ELOVL5: variants seen among roughly 807,000 people sequenced by gnomAD.
ELOVL5 encodes ELOVL fatty acid elongase 5.
Under a neutral mutation model 38.6 loss-of-function variants are expected in ELOVL5, and 8 were observed. The ratio of observed to expected loss-of-function variants is 0.21; its 90% CI spans 0.12 to 0.37. The LOEUF is 0.37. Ranked by LOEUF, ELOVL5 falls within the 10% of genes least tolerant of loss-of-function variation. The probability of loss-of-function intolerance (pLI) is 1.00; values close to 1 mark genes in which losing one functional copy is unlikely to be tolerated. For synonymous variants in ELOVL5, 127 were observed against 133.7 expected, an observed-to-expected ratio of 0.95 and a Z score of 0.34; for missense variants, 280 against 367.8, an observed-to-expected ratio of 0.76 and a Z score of 1.95.
chr6:53,338,151 G>C (rs1469726705), intron 1 of ELOVL5, among the ~76,000 whole-genome samples: 1 of 152,216 alleles, frequency 6.6e-6, no homozygotes, highest in African/African-American at 2.4e-5. Flanking sequence ...ATCATGCAAT[G>C]AGATTTGGTC....
At chr6:53,303,588 T>G (rs915945948) in intron 1 of ELOVL5, among the ~76,000 whole-genome samples, 6 of 152,204 alleles carry the variant, frequency 3.9e-5, no homozygotes, top group African/African-American at 1.2e-4. Context: ...ACTGCAAAAC[T>G]GGGGCACTGA....
intron 1 of ELOVL5, among the ~76,000 whole-genome samples, chr6:53,342,330 T>C (rs1769367492): frequency 6.6e-6 from 1 of 152,212 alleles, no homozygotes; most frequent in Non-Finnish European, 1.5e-5. Context: ...ATGAGAACTA[T>C]TCTTCAGGGA....
In ELOVL5 at chr6:53,299,139, A is replaced by C. The variant is rs575897874; in HGVS notation, c.-8-3432T>G. ...AGGATCCAGATATAGTAAAGCAAAA[A>C]CAAAATCCAGTTTGCAAATGAGCAG... On this transcript the variant is annotated intron_variant, in intron 1 of 7. Transcript: ENST00000304434. Among the ~76,000 whole-genome samples, 6 of 152,362 alleles carry C rather than the reference A, an allele frequency of 3.9e-5. 1 individual carries two copies. The South Asian group carries it at 1.2e-3, about 32-fold the overall frequency.
chr6:53,299,001 C>T (rs567070778), intron 1 of ELOVL5, among the ~76,000 whole-genome samples: 20 of 151,428 alleles, frequency 1.3e-4, no homozygotes, highest in African/African-American at 4.9e-4. Context: ...TAATTAAATA[C>T]ACAAATATCT....
intron 1 of ELOVL5, among the ~76,000 whole-genome samples, chr6:53,305,198 C>T (rs1237910125): frequency 1.5e-5 from 2 of 131,458 alleles, no homozygotes; most frequent in African/African-American, 5.9e-5. Flanking sequence ...TGGCTGGGCG[C>T]GGGGCTGACC....
chr6:53,318,711 G>C (rs209493), intron 1 of ELOVL5, among the ~76,000 whole-genome samples: 9,682 of 152,126 alleles, frequency 0.064, 506 homozygotes, highest in Non-Finnish European at 0.085. Context: ...CTGCACTCCA[G>C]CCTGGGCAAA....
intron 4 of ELOVL5, among the ~76,000 whole-genome samples, chr6:53,275,926 C>T (rs1281483075): frequency 6.6e-6 from 1 of 152,226 alleles, no homozygotes; most frequent in Non-Finnish European, 1.5e-5. Flanking sequence ...ATATAACATA[C>T]TGACTGCATG....
At position 53,281,822 on chromosome 6, in the gene ELOVL5, G is replaced by GTT. The variant is rs56133416; in HGVS notation, c.247-5568_247-5567dup. ...TTTCACACCCATGACCTCCACAGGT[G>GTT]TTTTTTTTTTTTCCTTCTCCTTGTG... On this transcript the variant is annotated intron_variant, in intron 3 of 7. Coordinates refer to ENST00000304434, the MANE Select transcript of ELOVL5 (RefSeq NM_021814.5). Among the ~76,000 whole-genome samples the GTT allele has an allele frequency of 1.3e-3, 185 of 147,282 alleles. 1 individual carries two copies. Among genetic ancestry groups the GTT allele is most frequent in the African/African-American group, 2.9e-3 (116 of 40,162 alleles).
intron 6 of ELOVL5, among the ~76,000 whole-genome samples, chr6:53,272,163 G>T (rs1765952705): frequency 6.6e-6 from 1 of 152,058 alleles, no homozygotes; most frequent in African/African-American, 2.4e-5. Context: ...TGACTTGAAG[G>T]GATCTGAATC....
intron 1 of ELOVL5, among the ~76,000 whole-genome samples, chr6:53,348,025 C>CCCA (rs1769640934): frequency 1.3e-5 from 2 of 151,634 alleles, no homozygotes; most frequent in Non-Finnish European, 2.9e-5. Flanking sequence ...CACAACCGCC[C>CCCA]CCCCGCCGCG....
At chr6:53,304,489 C>T (rs1294477499) in intron 1 of ELOVL5, among the ~76,000 whole-genome samples, 1 of 151,846 alleles carries the variant, frequency 6.6e-6, no homozygotes, top group Non-Finnish European at 1.5e-5. Context: ...GGGTGTTTCT[C>T]GCAGAGGGGG....
At chr6:53,332,327 G>C (rs1010321895) in intron 1 of ELOVL5, among the ~76,000 whole-genome samples, 7 of 152,124 alleles carry the variant, frequency 4.6e-5, no homozygotes, top group Non-Finnish European at 1.0e-4. Flanking sequence ...TTATTGGTAG[G>C]CATAAAAACT....
chr6:53,346,456 G>C (rs1007558204), intron 1 of ELOVL5, among the ~76,000 whole-genome samples: 1 of 152,138 alleles, frequency 6.6e-6, no homozygotes, highest in African/African-American at 2.4e-5. Context: ...TAAGAATTAC[G>C]TGTGGAAAGC....
Position 53,320,399 on chromosome 6 carries a change from C to G in ELOVL5, c.-8-24692G>C, listed in dbSNP as rs190416818. On this transcript the variant is annotated intron_variant, in intron 1 of 7. Transcript: ENST00000304434. ...TCGCCCAGGCTGGAGTGCAGTGGCG[C>G]GATCTCGGCTCACTGCAAGCTCCTC... Among the ~76,000 whole-genome samples, 497 of 152,022 alleles carry G rather than the reference C, an allele frequency of 3.3e-3. 4 individuals carry two copies. The highest frequency in any genetic ancestry group is 0.011 in the African/African-American group (452 of 41,498).
intron 4 of ELOVL5, among the ~76,000 whole-genome samples, chr6:53,275,567 A>C (rs1171878644): frequency 6.6e-6 from 1 of 152,228 alleles, no homozygotes; most frequent in Non-Finnish European, 1.5e-5. Context: ...AAAACCTTGA[A>C]GTCTGCCTAT....
intron 1 of ELOVL5, among the ~76,000 whole-genome samples, chr6:53,342,649 A>G (rs935295424): frequency 6.6e-6 from 1 of 152,238 alleles, no homozygotes; most frequent in Non-Finnish European, 1.5e-5. Flanking sequence ...GTATATTTCA[A>G]TAAAATTGTT....
intron 1 of ELOVL5, among the ~76,000 whole-genome samples, chr6:53,340,977 A>T (rs1769299007): frequency 6.6e-6 from 1 of 152,156 alleles, no homozygotes. Context: ...TGGGGCTAGG[A>T]CCGGGTAAGG....
chr6:53,288,950 C>T (rs1766671850), intron 3 of ELOVL5, among the ~76,000 whole-genome samples: 2 of 152,138 alleles, frequency 1.3e-5, no homozygotes, highest in Admixed American at 6.5e-5. Context: ...CCTGTAGTCC[C>T]AGCCACTTGG....
chr6:53,321,330 T>C (rs1768297053), intron 1 of ELOVL5, among the ~76,000 whole-genome samples: 1 of 152,250 alleles, frequency 6.6e-6, no homozygotes, highest in Admixed American at 6.5e-5. Context: ...ATCATTTACC[T>C]GCATGAAGGC....
Sources: allele counts gnomAD v4.1 joint callset (sites outside exome capture counted in the v4.1 genomes callset), GRCh38; gene constraint gnomAD v4.1.1; transcripts MANE v1.5; gene names NCBI Gene and HGNC (gene_info 2026-07-23, HGNC 2026-07-21).